The following ESCO2 variants were observed in gnomAD, a reference collection of about 807,000 sequenced individuals.
The protein encoded by ESCO2 is establishment of sister chromatid cohesion N-acetyltransferase 2, also known as N-acetyltransferase ESCO2.
A neutral mutation model predicts 61.7 loss-of-function variants in ESCO2; 51 were observed. The observed-to-expected ratio is 0.83, with a 90% CI of 0.66 to 1.04. The LOEUF is 1.04. Among genes scored for constraint, ESCO2 ranks in the 50% least tolerant of loss-of-function variants. The pLI, the probability that ESCO2 is intolerant of heterozygous loss-of-function variation, is 0.00. For synonymous variants in ESCO2, 230 were observed against 238.2 expected (o/e 0.97, Z 0.32); for missense variants, 692 against 686.2 (o/e 1.01, Z -0.09).
chr8:27,811,400 G>A, downstream of ESCO2: 1 of 552,188 alleles, frequency 1.8e-6, no homozygotes, highest in Non-Finnish European at 3.2e-6. Context: ...TGGATGTTGA[G>A]ATTACAGACT....
chr8:27,786,860 G>GT (rs11305883), intron 5 of ESCO2, among the ~76,000 whole-genome samples: 3,150 of 122,134 alleles, frequency 0.026, 135 homozygotes, highest in African/African-American at 0.089. Flanking sequence ...TGGTACTAGG[G>GT]TTTTTTTTTT....
downstream of ESCO2, chr8:27,810,285 C>T: frequency 6.5e-7 from 1 of 1,546,406 alleles, no homozygotes; most frequent in Non-Finnish European, 8.9e-7. Flanking sequence ...ACGCAAGCCA[C>T]ACTTCAGCTG....
chr8:27,791,956 T>C lies in ESCO2; in HGVS notation c.1264-7T>C, dbSNP rs778840836. The C allele has an allele frequency of 1.2e-6, 2 of 1,614,058 alleles. No homozygotes were observed. Among genetic ancestry groups the C allele is most frequent in the Non-Finnish European group, 1.7e-6 (2 of 1,179,926 alleles). On this transcript the variant is annotated splice_polypyrimidine_tract_variant and splice_region_variant and intron_variant, in intron 7 of 10. Transcript: ENST00000305188. ...TAAACTGTGACCCTTTTGTTTTCCT[T>C]TGGCAGGGTTGGAAGAAAGAACGTG...
At chr8:27,805,648 C>A (rs887883569), downstream of ESCO2, among the ~76,000 whole-genome samples, 1 of 152,022 alleles carries the variant, frequency 6.6e-6, no homozygotes, top group Non-Finnish European at 1.5e-5. Context: ...TTTTTTCCCC[C>A]GCCCTGGGCT....
At chr8:27,781,801 T>C (rs2085762) in intron 4 of ESCO2, among the ~76,000 whole-genome samples, 148,959 of 152,204 alleles carry the variant, frequency 0.98, 72,979 homozygotes, top group Middle Eastern at 1. Context: ...ATCCCCCCAC[T>C]TCAGCCTCCC....
chr8:27,798,116 G>C (rs1805342457), intron 9 of ESCO2, among the ~76,000 whole-genome samples: 1 of 152,164 alleles, frequency 6.6e-6, no homozygotes, highest in African/African-American at 2.4e-5. Flanking sequence ...TTGTTAGTAG[G>C]AATGTAAAAT....
chr8:27,783,878 T>C, intron 4 of ESCO2, 122 bp from the exon 5 acceptor site: 1 of 926,940 alleles, frequency 1.1e-6, no homozygotes, highest in Non-Finnish European at 1.8e-6. Flanking sequence ...TGGAATTACC[T>C]TTGCCTCTTT....
intron 9 of ESCO2, among the ~76,000 whole-genome samples, chr8:27,798,354 G>A (rs1299670921): frequency 1.3e-5 from 2 of 152,120 alleles, no homozygotes; most frequent in Non-Finnish European, 2.9e-5. Flanking sequence ...CAGCTACTTG[G>A]GAGGTTGAGG....
chr8:27,810,968 A>G (rs751116684), downstream of ESCO2: 3 of 1,587,434 alleles, frequency 1.9e-6, no homozygotes, highest in Non-Finnish European at 2.6e-6. Context: ...CTTCATCATC[A>G]TCATCATTTG....
intron 7 of ESCO2, among the ~76,000 whole-genome samples, chr8:27,789,281 A>C (rs1222735106): frequency 1.3e-5 from 2 of 152,124 alleles, no homozygotes; most frequent in Non-Finnish European, 1.5e-5. Context: ...CTGAGAGGAG[A>C]GGTCCCACCC....
chr8:27,790,763 T>A (rs530592646), intron 7 of ESCO2, among the ~76,000 whole-genome samples: 66 of 152,348 alleles, frequency 4.3e-4, no homozygotes, highest in African/African-American at 1.6e-3. Flanking sequence ...GACTGCAAAG[T>A]GTGCCAACAT....
downstream of ESCO2, chr8:27,811,132 T>G (rs1240908497): frequency 2.5e-6 from 4 of 1,613,824 alleles, no homozygotes; most frequent in East Asian, 8.9e-5. Flanking sequence ...TCAGGGTCAG[T>G]CACTGAAACA....
the ESCO2 span, among the ~76,000 whole-genome samples, chr8:27,819,504 G>C: frequency 6.6e-6 from 1 of 151,974 alleles, no homozygotes; most frequent in African/African-American, 2.4e-5. Flanking sequence ...AAAAAGTTTG[G>C]AGTTTTTGTT....
At chr8:27,802,987 C>T (rs1437640485) in intron 10 of ESCO2, among the ~76,000 whole-genome samples, 2 of 151,930 alleles carry the variant, frequency 1.3e-5, no homozygotes, top group East Asian at 1.9e-4. Context: ...TCCGCCTTGG[C>T]CTCCCAAAGT....
rs567138176 is a variant in ESCO2 at position 27,789,452 on chromosome 8, G to A, written c.1263+474G>A. On this transcript the variant is annotated intron_variant, in intron 7 of 10. Coordinates refer to ENST00000305188, the MANE Select transcript of ESCO2 (RefSeq NM_001017420.3). ...GTTTATTGAAATGGCTTGCTTTCTG[G>A]GTTCCCATAGTGCTACCAGAAATAA... is the stretch of plus-strand genomic sequence containing the variant. Among the ~76,000 whole-genome samples the A allele has an allele frequency of 3.9e-5, 6 of 152,140 alleles. No individual in the cohort carries two copies. In the East Asian group the frequency reaches 7.7e-4, roughly 20 times the overall value.
chr8:27,816,895 C>A (rs1805825768), downstream of ESCO2, among the ~76,000 whole-genome samples: 1 of 151,864 alleles, frequency 6.6e-6, no homozygotes, highest in Non-Finnish European at 1.5e-5. Context: ...ATAAATTAAA[C>A]CACCCCTTAT....
intron 6 of ESCO2, 105 bp from the exon 7 acceptor site, chr8:27,788,742 G>GA (rs200012035): frequency 6.6e-3 from 8,528 of 1,296,790 alleles, no homozygotes; most frequent in Non-Finnish European, 7.6e-3. Context: ...GTGTCAGCAG[G>GA]AAAAAAAAAA....
intron 4 of ESCO2, among the ~76,000 whole-genome samples, chr8:27,783,013 G>C (rs1804959686): frequency 6.6e-6 from 1 of 151,918 alleles, no homozygotes; most frequent in Non-Finnish European, 1.5e-5. Flanking sequence ...GTACATTGGA[G>C]TTCATTCTTT....
At chr8:27,798,648 A>T (rs1310218269) in intron 9 of ESCO2, among the ~76,000 whole-genome samples, 1 of 152,218 alleles carries the variant, frequency 6.6e-6, no homozygotes, top group East Asian at 1.9e-4. Context: ...TAGGTGAATG[A>T]TAAGCTATGA....
Sources: gnomAD v4.1 joint callset for allele counts (sites outside exome capture counted in the v4.1 genomes callset) on GRCh38, gnomAD v4.1.1 for gene constraint, MANE v1.5 for transcripts, NCBI Gene and HGNC (gene_info 2026-07-23, HGNC 2026-07-21) for gene names.